Variants in ZBTB20 observed in about 807,000 individuals in gnomAD.
The protein encoded by ZBTB20 is zinc finger and BTB domain-containing protein 20.
A neutral mutation model predicts 56.9 loss-of-function variants in ZBTB20; 9 were observed. The ratio of observed to expected loss-of-function variants is 0.16; its 90% CI spans 0.10 to 0.28. The LOEUF (loss-of-function observed/expected upper bound fraction) is 0.28. Ranked by LOEUF, ZBTB20 falls within the 10% of genes least tolerant of loss-of-function variation. The pLI is 1.00. For missense variants in ZBTB20, 655 were observed against 1,003.0 expected (o/e 0.65, Z 4.69); for synonymous variants, 417 against 420.7 (o/e 0.99, Z 0.11).
At chr3:114,836,755 A>T (rs1037039549) in intron 4 of ZBTB20, among the ~76,000 whole-genome samples, 3 of 152,154 alleles carry the variant, frequency 2.0e-5, no homozygotes, top group African/African-American at 7.2e-5. Context: ...ATTATCTCTT[A>T]TCTGGTCTCC....
At chr3:114,342,312 A>G (rs983035366) in intron 11 of ZBTB20, among the ~76,000 whole-genome samples, 2 of 152,224 alleles carry the variant, frequency 1.3e-5, no homozygotes, top group Non-Finnish European at 2.9e-5. Flanking sequence ...GTTGCTCTCC[A>G]AGTAAAGAAA....
intron 1 of ZBTB20, among the ~76,000 whole-genome samples, chr3:115,124,632 T>C (rs1018746796): frequency 9.9e-5 from 15 of 152,128 alleles, no homozygotes; most frequent in African/African-American, 3.6e-4. Flanking sequence ...GTTACTGGTA[T>C]AGAGATAGTC....
At chr3:114,721,222 A>G (rs2064886795) in intron 5 of ZBTB20, among the ~76,000 whole-genome samples, 2 of 152,176 alleles carry the variant, frequency 1.3e-5, no homozygotes, top group Admixed American at 6.5e-5. Context: ...AGGCTTGTAA[A>G]GTAGGACACT....
At chr3:115,020,669 C>A (rs998831245) in intron 2 of ZBTB20, among the ~76,000 whole-genome samples, 4 of 150,978 alleles carry the variant, frequency 2.6e-5, no homozygotes, top group East Asian at 1.9e-4. Context: ...CTCTCCCCTG[C>A]CTCATATGTA....
chr3:114,339,202 G>C lies in ZBTB20; in HGVS notation c.2029C>G (p.Leu677Val), dbSNP rs555783654. Reference sequence around the variant, plus strand: ...CTGTGCAGGGCCACGTGTCGCTCCAGGAGGGTCTTGTGAGAGAACTTCTTT... The same window carrying C: ...CTGTGCAGGGCCACGTGTCGCTCCACGAGGGTCTTGTGAGAGAACTTCTTT... Reference protein sequence around the residue: ...CKKKFSHKTLLERHVALHSAS... With the variant: ...CKKKFSHKTLVERHVALHSAS... Residue 677 changes from leucine to valine, a missense_variant, in exon 12 of 12, where the codon CTG becomes GTG. By Grantham distance (32) the Leu-to-Val change is conservative. Around this residue, in one of 10 missense-constraint regions of ZBTB20, gnomAD observed 15 missense variants for 35.8 expected, o/e 0.42. Coordinates refer to ENST00000675478, the MANE Select transcript of ZBTB20 (RefSeq NM_001348800.3). The surrounding 1 kb of genome is among the most constrained non-coding windows in gnomAD (Gnocchi z 4.2). 1 of 1,614,238 alleles carries C rather than the reference G, an allele frequency of 6.2e-7. No individual in the cohort carries two copies. The highest frequency in any genetic ancestry group is 2.2e-5 in the East Asian group (1 of 44,876).
intron 2 of ZBTB20, among the ~76,000 whole-genome samples, chr3:115,038,358 A>G (rs879411415): frequency 1.3e-5 from 2 of 152,236 alleles, no homozygotes; most frequent in Admixed American, 1.3e-4. Context: ...ATAACATCAT[A>G]GAACTCTATA....
rs150790164 is a variant in ZBTB20 at position 114,551,521 on chromosome 3, T to C, written c.-294-51130A>G. Among the ~76,000 whole-genome samples, 286 of 152,280 alleles carry C rather than the reference T, an allele frequency of 1.9e-3. 3 individuals are homozygous for C. In the East Asian group the frequency reaches 0.044, roughly 23 times the overall value. ...AGTAAGCAATAAGGGCCTCAGAAAG[T>C]TAGAGGCATTTGGGATGAGCCTTTG... On this transcript the variant is annotated intron_variant, in intron 6 of 11. Transcript: ENST00000675478.
At chr3:115,109,093 C>T (rs1002839320) in intron 1 of ZBTB20, among the ~76,000 whole-genome samples, 1 of 152,120 alleles carries the variant, frequency 6.6e-6, no homozygotes, top group Non-Finnish European at 1.5e-5. Context: ...TCCAGAACAA[C>T]GTATTAGACA....
At chr3:114,993,981 T>C (rs1184501498) in intron 2 of ZBTB20, among the ~76,000 whole-genome samples, 1 of 151,696 alleles carries the variant, frequency 6.6e-6, no homozygotes, top group Non-Finnish European at 1.5e-5. Context: ...TAAGAAGAGG[T>C]GTAATATATT....
chr3:114,407,762 G>C (rs1242806760), intron 7 of ZBTB20, among the ~76,000 whole-genome samples: 1 of 152,152 alleles, frequency 6.6e-6, no homozygotes, highest in Non-Finnish European at 1.5e-5. Flanking sequence ...TCCAAAAGGA[G>C]AAGTCAGAAT....
chr3:114,927,371 T>C (rs139103328), intron 3 of ZBTB20, among the ~76,000 whole-genome samples: 1,596 of 152,346 alleles, frequency 0.01, 30 homozygotes, highest in South Asian at 0.068. Flanking sequence ...ATGCTCCGAC[T>C]GTCTTGGGCA....
At chr3:114,353,801 C>T (rs986828775) in intron 10 of ZBTB20, among the ~76,000 whole-genome samples, 1 of 152,208 alleles carries the variant, frequency 6.6e-6, no homozygotes, top group Non-Finnish European at 1.5e-5. Context: ...AATCTTACAG[C>T]AACCATGGGA....
intron 3 of ZBTB20, among the ~76,000 whole-genome samples, chr3:114,934,287 C>T (rs573615080): frequency 4.6e-5 from 7 of 152,292 alleles, no homozygotes; most frequent in South Asian, 4.1e-4. Flanking sequence ...CACTTACCTG[C>T]GACCTCTTCA....
intron 5 of ZBTB20, among the ~76,000 whole-genome samples, chr3:114,696,774 G>C (rs951252779): frequency 3.3e-5 from 5 of 152,016 alleles, no homozygotes; most frequent in African/African-American, 1.2e-4. Flanking sequence ...GGAGGGGGTT[G>C]TGGGAAGGAG....
At chr3:114,797,632 G>A (rs897567661) in intron 5 of ZBTB20, among the ~76,000 whole-genome samples, 4 of 151,848 alleles carry the variant, frequency 2.6e-5, no homozygotes, top group African/African-American at 9.7e-5. Context: ...TTTGTTATAG[G>A]AGGCACAGAA....
intron 5 of ZBTB20, among the ~76,000 whole-genome samples, chr3:114,709,210 A>G (rs766289056): frequency 6.6e-6 from 1 of 152,104 alleles, no homozygotes; most frequent in Non-Finnish European, 1.5e-5. Context: ...CATAGTATTA[A>G]TTAGTTATAT....
At chr3:114,611,323 C>G (rs2057532621) in intron 6 of ZBTB20, among the ~76,000 whole-genome samples, 2 of 152,078 alleles carry the variant, frequency 1.3e-5, no homozygotes, top group African/African-American at 4.8e-5. Context: ...CAGATCGACA[C>G]TCTATGGTAT....
chr3:114,682,776 A>G (rs1424170249), intron 6 of ZBTB20, among the ~76,000 whole-genome samples: 4 of 152,280 alleles, frequency 2.6e-5, no homozygotes, highest in East Asian at 1.9e-4. Context: ...CTCCCTCTCT[A>G]TAATAGAACT....
intron 6 of ZBTB20, among the ~76,000 whole-genome samples, chr3:114,625,848 T>A (rs1224651432): frequency 6.6e-6 from 1 of 151,882 alleles, no homozygotes; most frequent in Non-Finnish European, 1.5e-5. Context: ...AGGTTCAACA[T>A]AAAAAAAATT....
Sources: allele counts gnomAD v4.1 joint callset (sites outside exome capture counted in the v4.1 genomes callset), GRCh38; gene constraint gnomAD v4.1.1; regional missense constraint gnomAD v4.1.1; non-coding constraint Gnocchi (gnomAD v3.1); transcripts MANE v1.5; gene names NCBI Gene and HGNC (gene_info 2026-07-23, HGNC 2026-07-21).